The following LRP1B variants were observed in gnomAD, a reference collection of about 807,000 sequenced individuals.
LRP1B encodes the protein LDL receptor related protein 1B.
In LRP1B, 217 loss-of-function variants were observed where a neutral mutation model predicts 556.6. That is an observed-to-expected ratio of 0.39 (90% CI 0.35 to 0.44). LRP1B has a LOEUF of 0.44. Among genes scored for constraint, LRP1B ranks in the 20% least tolerant of loss-of-function variants. The pLI, the probability that LRP1B is intolerant of heterozygous loss-of-function variation, is 1.00. For missense variants in LRP1B, 5,053 were observed against 5,620.8 expected, an observed-to-expected ratio of 0.90 and a Z score of 3.23; for synonymous variants, 2,047 against 1,865.8, an observed-to-expected ratio of 1.10 and a Z score of -2.50.
intron 43 of LRP1B, among the ~76,000 whole-genome samples, chr2:140,594,020 C>T (rs1682333062): frequency 6.6e-6 from 1 of 151,964 alleles, no homozygotes. Flanking sequence ...ATTCCATTGC[C>T]AGGCTGGAGT....
At chr2:141,115,079 T>C (rs1700854325) in intron 7 of LRP1B, among the ~76,000 whole-genome samples, 1 of 152,010 alleles carries the variant, frequency 6.6e-6, no homozygotes, top group Non-Finnish European at 1.5e-5. Flanking sequence ...TTCTAGAACT[T>C]GCACATATTT....
At chr2:140,310,555 G>T (rs1411468458) in intron 83 of LRP1B, among the ~76,000 whole-genome samples, 1 of 151,758 alleles carries the variant, frequency 6.6e-6, no homozygotes, top group Non-Finnish European at 1.5e-5. Flanking sequence ...TAGATACATG[G>T]ATCAATGGAA....
At chr2:140,811,551 T>C (rs1281909167) in intron 32 of LRP1B, among the ~76,000 whole-genome samples, 3 of 152,174 alleles carry the variant, frequency 2.0e-5, no homozygotes, top group South Asian at 4.1e-4. Context: ...TCCTTAGTTA[T>C]GCTATTTGAT....
At chr2:141,854,479 C>G (rs1697978765) in intron 1 of LRP1B, among the ~76,000 whole-genome samples, 1 of 151,990 alleles carries the variant, frequency 6.6e-6, no homozygotes, top group South Asian at 2.1e-4. Context: ...AACTCGTAAG[C>G]AATCAAGACA....
intron 45 of LRP1B, among the ~76,000 whole-genome samples, 190 bp from the exon 46 acceptor site, chr2:140,536,899 C>T (rs559080450): frequency 1.7e-4 from 25 of 151,436 alleles, no homozygotes; most frequent in Non-Finnish European, 3.1e-4. Context: ...TTTGGCCAGG[C>T]GCGGTGGCTC....
intron 27 of LRP1B, among the ~76,000 whole-genome samples, chr2:140,856,676 A>G (rs1434229462): frequency 6.6e-6 from 1 of 151,896 alleles, no homozygotes. Context: ...ATTTAGCCTG[A>G]GGGTTGTACT....
chr2:141,826,354 GTTTTTTTTT>G (rs70994454), intron 1 of LRP1B, among the ~76,000 whole-genome samples: 4 of 97,076 alleles, frequency 4.1e-5, no homozygotes, highest in African/African-American at 1.2e-4. Flanking sequence ...CTTTTCAGAA[GTTTTTTTTT>G]TTTTTTTTTT....
chr2:140,819,622 T>C (rs1691251381), intron 31 of LRP1B, among the ~76,000 whole-genome samples: 1 of 151,966 alleles, frequency 6.6e-6, no homozygotes, highest in Non-Finnish European at 1.5e-5. Context: ...TATATACAAA[T>C]GGCAAATAAA....
chr2:140,287,465 C>A (rs1423557501), intron 84 of LRP1B, among the ~76,000 whole-genome samples: 2 of 151,602 alleles, frequency 1.3e-5, no homozygotes, highest in African/African-American at 4.8e-5. Context: ...TTTGTTTCTG[C>A]CAATAAGTTG....
At chr2:140,613,455 A>C (rs1446929260) in intron 41 of LRP1B, among the ~76,000 whole-genome samples, 1 of 145,674 alleles carries the variant, frequency 6.9e-6, no homozygotes, top group Admixed American at 7.0e-5. Flanking sequence ...ATATATATAT[A>C]TCTCCTCCTA....
intron 3 of LRP1B, among the ~76,000 whole-genome samples, chr2:141,399,132 T>C (rs913898880): frequency 6.6e-6 from 1 of 152,050 alleles, no homozygotes; most frequent in African/African-American, 2.4e-5. Context: ...GGCGCACTCC[T>C]GTAATCCCAG....
intron 2 of LRP1B, among the ~76,000 whole-genome samples, chr2:141,506,621 T>C (rs151090433): frequency 1.3e-5 from 2 of 152,234 alleles, no homozygotes; most frequent in African/African-American, 4.8e-5. Flanking sequence ...AGCTTCAATC[T>C]AGCCAGACAA....
intron 35 of LRP1B, among the ~76,000 whole-genome samples, chr2:140,737,948 G>T (rs1688003660): frequency 6.6e-6 from 1 of 152,160 alleles, no homozygotes. Context: ...CCATTAGTCT[G>T]ATCCATGCAC....
chr2:141,375,666 G>A (rs1032462894), intron 3 of LRP1B, among the ~76,000 whole-genome samples: 2 of 152,134 alleles, frequency 1.3e-5, no homozygotes, highest in African/African-American at 4.8e-5. Context: ...AACTTAGCCT[G>A]AGGGAAGGGA....
intron 7 of LRP1B, among the ~76,000 whole-genome samples, chr2:141,069,881 C>T (rs754420406): frequency 1.3e-5 from 2 of 151,800 alleles, no homozygotes; most frequent in Non-Finnish European, 2.9e-5. Context: ...TATACATGTG[C>T]CATGCTGGTG....
intron 14 of LRP1B, among the ~76,000 whole-genome samples, chr2:141,006,204 T>C (rs1375343183): frequency 6.6e-6 from 1 of 152,088 alleles, no homozygotes; most frequent in African/African-American, 2.4e-5. Context: ...CATAGTGATG[T>C]TTCAGTAAAC....
At chr2:141,166,367 C>T (rs1265118788) in intron 7 of LRP1B, among the ~76,000 whole-genome samples, 19 of 132,680 alleles carry the variant, frequency 1.4e-4, no homozygotes, top group South Asian at 7.1e-4. Context: ...CTCTCTCATT[C>T]TTTTTTTTTT....
intron 43 of LRP1B, among the ~76,000 whole-genome samples, chr2:140,590,436 T>C (rs1040226705): frequency 5.9e-5 from 9 of 151,702 alleles, no homozygotes; most frequent in Admixed American, 4.6e-4. Context: ...ATTTACATGT[T>C]GAAGCCCTGA....
chr2:140,801,883 G>C (rs1180988998), intron 32 of LRP1B, among the ~76,000 whole-genome samples: 1 of 151,974 alleles, frequency 6.6e-6, no homozygotes. Context: ...CTGTAGCTCC[G>C]ACAAGAAGTT....
Sources: allele counts gnomAD v4.1 joint callset (sites outside exome capture counted in the v4.1 genomes callset), GRCh38; gene constraint gnomAD v4.1.1; transcripts MANE v1.5; gene names NCBI Gene and HGNC (gene_info 2026-07-23, HGNC 2026-07-21).